PIGG: variants seen among roughly 807,000 people sequenced by gnomAD.
PIGG encodes the protein phosphatidylinositol glycan anchor biosynthesis class G (EMM blood group).
In PIGG, 70 loss-of-function variants were observed where a neutral mutation model predicts 83.2. The ratio of observed to expected loss-of-function variants is 0.84; its 90% CI spans 0.69 to 1.03. The LOEUF (loss-of-function observed/expected upper bound fraction) is 1.03, where lower values mean the gene tolerates loss of function less well. Among genes scored for constraint, PIGG ranks in the 50% least tolerant of loss-of-function variants. The pLI, the probability that PIGG is intolerant of heterozygous loss-of-function variation, is 0.00. For missense variants in PIGG, 1,257 were observed against 1,233.6 expected (o/e 1.02, Z -0.28); for synonymous variants, 532 against 519.5 (o/e 1.02, Z -0.33).
chr4:528,598 C>G lies in PIGG; in HGVS notation c.2261+1368C>G, dbSNP rs1403393211. 1 of 985,278 alleles carries G rather than the reference C, an allele frequency of 1.0e-6. No homozygotes were observed. The highest frequency in any genetic ancestry group is 1.7e-5 in the African/African-American group (1 of 57,212). The allele number at this position is 985,278 out of a possible 1,614,324, so 61.0% of individuals were successfully genotyped here. ...CTGACGTGCAGGTACCAGCGGTGTT[C>G]TGTGGAGATGTCTCAAAGGCTGTTG... On this transcript the variant is annotated intron_variant, in intron 10 of 12. Transcript: ENST00000453061. The surrounding 1 kb of genome is among the most constrained non-coding windows in gnomAD (Gnocchi z 4.8).
chr4:505,833 T>G lies in PIGG; in HGVS notation c.476T>G (p.Val159Gly). 1.2e-6 allele frequency: 2 copies of G among 1,613,228 alleles called. No homozygotes were observed. Among genetic ancestry groups the G allele is most frequent in the Non-Finnish European group, 1.7e-6 (2 of 1,179,688 alleles). Residue 159 changes from valine to glycine, a missense_variant, in exon 3 of 13, where the codon GTC becomes GGC. Physicochemically the swap from Val to Gly is moderately radical, Grantham distance 109. Transcript: ENST00000453061. ...RQAKAAGKRIVFYGDETWVKL... is the reference protein window; with the variant it reads ...RQAKAAGKRIGFYGDETWVKL... Reference sequence around the variant, plus strand: ...GCAAAAGCAGCTGGAAAAAGAATAGTCTTTTATGGAGATGAAACCTGGGTT... The same window carrying G: ...GCAAAAGCAGCTGGAAAAAGAATAGGCTTTTATGGAGATGAAACCTGGGTT...
intron 6 of PIGG, among the ~76,000 whole-genome samples, chr4:518,531 T>G (rs1290324207): frequency 2.0e-5 from 3 of 152,198 alleles, no homozygotes; most frequent in African/African-American, 4.8e-5. Context: ...AGGCGGAGCT[T>G]GCAGTGAGCC....
At chr4:500,656 A>AG (rs1460850166) in intron 2 of PIGG, 55 bp downstream of exon 2, 5 of 1,128,462 alleles carry the variant, frequency 4.4e-6, no homozygotes, top group African/African-American at 3.1e-5. Context: ...GAAGATTTAG[A>AG]GGGGGTCTCT....
rs1720055637 is a variant in PIGG, at chr4:507,283, TC to T, written c.571-117del. The T allele has an allele frequency of 4.0e-6, 3 of 741,798 alleles. No individual in the cohort carries two copies. In the Admixed American group the frequency reaches 7.7e-5, roughly 19 times the overall value. 46.0% of individuals were successfully genotyped at this position (741,798 alleles called of 1,614,324 possible). ...GACATAGATTTTGTTGTGTTTCAAC[TC>T]CCCCAAATCCTGTAACCTGAATAAA... On this transcript the variant is annotated intron_variant, in intron 3 of 12. Transcript: ENST00000453061.
rs909339666 is a variant in PIGG, at chr4:528,291, C to A, written c.2261+1061C>A. The A allele has an allele frequency of 1.7e-5, 17 of 982,212 alleles. No individual in the cohort carries two copies. Among genetic ancestry groups the A allele is most frequent in the Non-Finnish European group, 6.0e-6 (5 of 827,334 alleles). 60.8% of individuals were successfully genotyped at this position (982,212 alleles called of 1,614,324 possible). ...AAAATACTGGTGATTATATTTAGGA[C>A]CTGAAATCATAAGATTGTGGTCTTG... On this transcript the variant is annotated intron_variant, in intron 10 of 12. Transcript: ENST00000453061. The surrounding 1 kb of genome is among the most constrained non-coding windows in gnomAD (Gnocchi z 4.8).
chr4:506,296 G>C (rs908202772), intron 3 of PIGG, among the ~76,000 whole-genome samples: 2 of 152,248 alleles, frequency 1.3e-5, no homozygotes, highest in African/African-American at 4.8e-5. Flanking sequence ...TGGCAGAGCT[G>C]TAGGACTCCA....
At chr4:517,632 G>A (rs1291682638) in intron 6 of PIGG, among the ~76,000 whole-genome samples, 1 of 152,102 alleles carries the variant, frequency 6.6e-6, no homozygotes, top group Non-Finnish European at 1.5e-5. Context: ...CATGGAGGGT[G>A]ATGAGTGGCT....
At chr4:529,925 C>A (rs1034924474) in intron 10 of PIGG, among the ~76,000 whole-genome samples, 1 of 152,226 alleles carries the variant, frequency 6.6e-6, no homozygotes, top group Non-Finnish European at 1.5e-5. Context: ...CACCACTGCA[C>A]GCGTGTGTGC....
At chr4:530,792 AT>A in intron 11 of PIGG, 47 bp downstream of exon 11, 1 of 1,275,630 alleles carries the variant, frequency 7.8e-7, no homozygotes. Flanking sequence ...TGTTTTACAT[AT>A]TTATTTTAAA....
chr4:534,593 C>T (rs138215979), intron 12 of PIGG, among the ~76,000 whole-genome samples: 2 of 152,368 alleles, frequency 1.3e-5, no homozygotes, highest in African/African-American at 4.8e-5. Context: ...CTTCAAGCTG[C>T]GTCTGGCCTG....
rs151220901 is a variant in PIGG, at chr4:507,423, A to G, written c.589A>G (p.Arg197Gly). The change falls in exon 4 of 13, where the codon AGG becomes GGG. Residue 197 changes from arginine (R) to glycine (G), a missense_variant. Physicochemically the swap from Arg to Gly is moderately radical, Grantham distance 125 (BLOSUM62 -2). Coordinates refer to ENST00000453061, the MANE Select transcript of PIGG (RefSeq NM_001127178.3). ...DYTEVDNNVT[R>G]HLDKVLKRGD... ...TTCAAAGGTGGATAATAATGTCACG[A>G]GGCATTTGGATAAAGTATTAAAAAG... 5.8e-5 allele frequency: 94 copies of G among 1,611,920 alleles called. No homozygotes were observed. The highest frequency in any genetic ancestry group is 7.9e-5 in the Non-Finnish European group (93 of 1,178,474).
intron 12 of PIGG, among the ~76,000 whole-genome samples, chr4:535,837 G>T (rs1174258856): frequency 6.6e-6 from 1 of 152,054 alleles, no homozygotes; most frequent in East Asian, 1.9e-4. Flanking sequence ...TCCTCTCCCC[G>T]CCTCACTCCC....
rs957131412 is a variant in PIGG at position 515,282 on chromosome 4, G to A, written c.902-691G>A. 1.1e-4 allele frequency among the ~76,000 whole-genome samples: 16 copies of A among 152,234 alleles called. No individual in the cohort carries two copies. Among genetic ancestry groups the A allele is most frequent in the Admixed American group, 3.3e-4 (5 of 15,292 alleles). On this transcript the variant is annotated intron_variant, in intron 5 of 12. Transcript: ENST00000453061. This position sits in a 1 kb window ranked among gnomAD's most constrained non-coding sequence, Gnocchi z 4.2. ...TTCGACCAAGTTGAGTTTCTGCTCC[G>A]AAATCATAGTGGATGGTGGCAGAGC... is the stretch of plus-strand genomic sequence containing the variant.
chr4:529,244 C>G (rs966560273), intron 10 of PIGG, among the ~76,000 whole-genome samples: 1 of 152,206 alleles, frequency 6.6e-6, no homozygotes, highest in Non-Finnish European at 1.5e-5. Flanking sequence ...TGAAACTTCT[C>G]CAGTGATTGT....
chr4:537,729 G>A (rs187705624), intron 12 of PIGG, among the ~76,000 whole-genome samples: 3 of 152,268 alleles, frequency 2.0e-5, no homozygotes, highest in Admixed American at 6.5e-5. Context: ...AGCACATGGC[G>A]GGCTGAGGTG....
In PIGG at chr4:526,837, CA is replaced by C. The variant is rs1727757867; in HGVS notation, c.2070-201del. The C allele has an allele frequency of 4.7e-6, 3 of 640,090 alleles. No homozygotes were observed. The South Asian group carries it at 5.9e-5, about 12-fold the overall frequency. 39.7% of individuals were successfully genotyped at this position (640,090 alleles called of 1,614,324 possible). ...TGCTGGGATTGCTGGTGTGAGCCAC[CA>C]CACCCCACTGAGGTTGACCATCTTT... On this transcript the variant is annotated intron_variant, in intron 9 of 12. Coordinates refer to ENST00000453061, the MANE Select transcript of PIGG (RefSeq NM_001127178.3).
At chr4:506,925 G>A (rs1434260520) in intron 3 of PIGG, 4 of 380,512 alleles carry the variant, frequency 1.1e-5, no homozygotes, top group African/African-American at 8.2e-5. Flanking sequence ...GACAACTTGG[G>A]ATCTATTTAA....
At chr4:506,535 G>A (rs181747324) in intron 3 of PIGG, among the ~76,000 whole-genome samples, 1 of 152,342 alleles carries the variant, frequency 6.6e-6, no homozygotes, top group African/African-American at 2.4e-5. Context: ...TGGAGCATCT[G>A]TAGTCCTATC....
chr4:506,075 C>T, intron 3 of PIGG, 148 bp downstream of exon 3: 1 of 632,116 alleles, frequency 1.6e-6, no homozygotes, highest in Non-Finnish European at 2.8e-6. Flanking sequence ...AAAAATTATT[C>T]ACTCACATAA....
Sources: gnomAD v4.1 joint callset for allele counts (sites outside exome capture counted in the v4.1 genomes callset) on GRCh38, gnomAD v4.1.1 for gene constraint, Gnocchi (gnomAD v3.1) non-coding constraint, MANE v1.5 for transcripts, NCBI Gene and HGNC (gene_info 2026-07-23, HGNC 2026-07-21) for gene names.